ADAMTS12: variants seen among roughly 807,000 people sequenced by gnomAD.
ADAMTS12 encodes ADAM metallopeptidase with thrombospondin type 1 motif 12.
A neutral mutation model predicts 167.8 loss-of-function variants in ADAMTS12; 118 were observed. That is an observed-to-expected ratio of 0.70 (90% CI 0.61 to 0.82). ADAMTS12 has a LOEUF of 0.82. ADAMTS12 is among the 40% of genes least tolerant of loss of function. The pLI, the probability that ADAMTS12 is intolerant of heterozygous loss-of-function variation, is 0.00. For missense variants in ADAMTS12, 1,916 were observed against 1,998.8 expected (o/e 0.96, Z 0.79); for synonymous variants, 704 against 716.9 (o/e 0.98, Z 0.29).
At position 33,595,930 on chromosome 5, in the gene ADAMTS12, T is replaced by C; in HGVS notation, c.2654+4A>G. 6.2e-7 allele frequency: 1 copy of C among 1,614,056 alleles called. No individual in the cohort carries two copies. Among genetic ancestry groups the C allele is most frequent in the Non-Finnish European group, 8.5e-7 (1 of 1,179,918 alleles). The stretch of plus-strand genomic sequence containing the variant: ...ACAGAGCTCCAGCTGTTAGCGATGG[T>C]TACCTGGGTGGACAAGCCTTTTCAT... On this transcript the variant is annotated splice_donor_region_variant and intron_variant, in intron 17 of 23. Coordinates refer to ENST00000504830, the MANE Select transcript of ADAMTS12 (RefSeq NM_030955.4).
intron 3 of ADAMTS12, among the ~76,000 whole-genome samples, chr5:33,701,164 A>G (rs532650544): frequency 6.6e-6 from 1 of 152,298 alleles, no homozygotes; most frequent in Non-Finnish European, 1.5e-5. Flanking sequence ...TGAAAACAAG[A>G]TAAAGTTAAT....
At chr5:33,698,342 G>A (rs1482665001) in intron 3 of ADAMTS12, among the ~76,000 whole-genome samples, 3 of 152,188 alleles carry the variant, frequency 2.0e-5, no homozygotes, top group Non-Finnish European at 2.9e-5. Context: ...GGCTGGGCAG[G>A]AATCCTAACT....
At chr5:33,559,407 A>G (rs924634304) in intron 20 of ADAMTS12, among the ~76,000 whole-genome samples, 3 of 152,136 alleles carry the variant, frequency 2.0e-5, no homozygotes, top group African/African-American at 7.2e-5. Flanking sequence ...ATTATCCCCC[A>G]AGAACTGGTT....
chr5:33,695,643 T>C (rs1180862623), intron 3 of ADAMTS12, among the ~76,000 whole-genome samples: 1 of 152,186 alleles, frequency 6.6e-6, no homozygotes, highest in Non-Finnish European at 1.5e-5. Flanking sequence ...CCTTGTGTAG[T>C]ACAGTTCACA....
chr5:33,824,697 G>C (rs1001036970), intron 2 of ADAMTS12, among the ~76,000 whole-genome samples: 1 of 152,144 alleles, frequency 6.6e-6, no homozygotes, highest in Non-Finnish European at 1.5e-5. Flanking sequence ...AGGAAGAAAG[G>C]CTCGTGACAG....
intron 1 of ADAMTS12, among the ~76,000 whole-genome samples, chr5:33,883,327 GTTTTTTTTTTTTTT>G (rs1750520996): frequency 9.0e-6 from 1 of 111,606 alleles, no homozygotes; most frequent in Non-Finnish European, 1.9e-5. Context: ...TTTTTTTTTT[GTTTTTTTTTTTTTT>G]GTTTTTTTTT....
rs1745130880 is a variant in ADAMTS12 at position 33,549,217 on chromosome 5, G to A, written c.4292C>T (p.Pro1431Leu). ...TTGTGGGGGACCTACCTGGCTCCAA[G>A]GCTCCACCTGCCACGCCTCACAGGG... ...PEPCEAWQVE[P>L]WSQCSRSCGG... Residue 1431 changes from proline to leucine, a missense_variant, in exon 21 of 24, where the codon CCT becomes CTT. Pro to Leu is a moderately conservative substitution (Grantham distance 98, BLOSUM62 -3). Coordinates refer to ENST00000504830, the MANE Select transcript of ADAMTS12 (RefSeq NM_030955.4). 7 of 1,613,292 alleles carry A rather than the reference G, an allele frequency of 4.3e-6. No individual in the cohort carries two copies. Among genetic ancestry groups the A allele is most frequent in the Middle Eastern group, 1.7e-4 (1 of 6,056 alleles).
chr5:33,679,284 A>G (rs1272494311), intron 5 of ADAMTS12, among the ~76,000 whole-genome samples: 1 of 152,222 alleles, frequency 6.6e-6, no homozygotes, highest in African/African-American at 2.4e-5. Context: ...TCCTTCCTGT[A>G]TTAGTCCATT....
intron 19 of ADAMTS12, among the ~76,000 whole-genome samples, chr5:33,569,242 G>T (rs918251412): frequency 6.6e-6 from 1 of 152,228 alleles, no homozygotes; most frequent in Non-Finnish European, 1.5e-5. Flanking sequence ...GAAGAGAGCC[G>T]TCGTTCTCCC....
At chr5:33,665,964 C>T (rs775707502) in intron 5 of ADAMTS12, among the ~76,000 whole-genome samples, 8 of 152,200 alleles carry the variant, frequency 5.3e-5, no homozygotes, top group Non-Finnish European at 1.2e-4. Context: ...CCATAAATGA[C>T]TTTGTAACTT....
At chr5:33,851,064 C>A (rs1055319306) in intron 2 of ADAMTS12, among the ~76,000 whole-genome samples, 25 of 152,300 alleles carry the variant, frequency 1.6e-4, no homozygotes, top group African/African-American at 5.8e-4. Flanking sequence ...TTGCGCATGA[C>A]AGAGTACTCT....
At chr5:33,789,236 C>T (rs1057496364) in intron 2 of ADAMTS12, among the ~76,000 whole-genome samples, 2 of 152,210 alleles carry the variant, frequency 1.3e-5, no homozygotes, top group African/African-American at 4.8e-5. Flanking sequence ...AGGCCCAAGG[C>T]CTCAAAGACC....
intron 9 of ADAMTS12, among the ~76,000 whole-genome samples, chr5:33,646,432 T>C (rs562833305): frequency 6.6e-6 from 1 of 152,238 alleles, no homozygotes; most frequent in African/African-American, 2.4e-5. Flanking sequence ...TATAAGGCCT[T>C]GAGTGAAAGG....
intron 2 of ADAMTS12, among the ~76,000 whole-genome samples, chr5:33,793,576 T>A (rs1369787990): frequency 2.0e-5 from 3 of 152,222 alleles, no homozygotes; most frequent in Admixed American, 6.5e-5. Context: ...TTTTTTGAAA[T>A]GAGAGACTGT....
At chr5:33,588,533 G>A in intron 18 of ADAMTS12, 66 bp downstream of exon 18, 5 of 1,577,014 alleles carry the variant, frequency 3.2e-6, no homozygotes, top group South Asian at 1.1e-5. Flanking sequence ...ATTGGATAAT[G>A]AGAAGGAAGG....
Position 33,634,183 on chromosome 5 carries a change from G to A in ADAMTS12, c.1889-3270C>T, listed in dbSNP as rs186870360. 1.3e-3 allele frequency among the ~76,000 whole-genome samples: 198 copies of A among 152,202 alleles called. 2 individuals carry two copies. Among genetic ancestry groups the A allele is most frequent in the African/African-American group, 4.5e-3 (187 of 41,540 alleles). On this transcript the variant is annotated intron_variant, in intron 12 of 23. Transcript: ENST00000504830. Reference sequence around the variant, plus strand: ...GTAAGGAAAAGTTTTGATGCATTTCGTGTTTTGTGAATAGACTGGAAAGTG... The same window carrying A: ...GTAAGGAAAAGTTTTGATGCATTTCATGTTTTGTGAATAGACTGGAAAGTG...
intron 2 of ADAMTS12, among the ~76,000 whole-genome samples, chr5:33,757,282 A>G (rs888754951): frequency 2.0e-5 from 3 of 152,248 alleles, no homozygotes; most frequent in African/African-American, 4.8e-5. Flanking sequence ...CAGAGAATCA[A>G]TAGAAACACC....
intron 19 of ADAMTS12, among the ~76,000 whole-genome samples, chr5:33,563,840 C>T (rs1000986283): frequency 2.0e-5 from 3 of 152,170 alleles, no homozygotes; most frequent in East Asian, 1.9e-4. Flanking sequence ...TTCTGAGTAC[C>T]TTACATATAG....
chr5:33,762,073 T>C (rs1042996430), intron 2 of ADAMTS12, among the ~76,000 whole-genome samples: 5 of 152,060 alleles, frequency 3.3e-5, no homozygotes, highest in Admixed American at 6.6e-5. Context: ...GCGCCTGTAG[T>C]CCCAGCTACT....
Sources: gnomAD v4.1 joint callset for allele counts (sites outside exome capture counted in the v4.1 genomes callset) on GRCh38, gnomAD v4.1.1 for gene constraint, MANE v1.5 for transcripts, NCBI Gene and HGNC (gene_info 2026-07-23, HGNC 2026-07-21) for gene names.